Variants in GRIK2 observed in about 807,000 individuals in gnomAD.
GRIK2 encodes the protein glutamate receptor ionotropic, kainate 2.
In GRIK2, 32 loss-of-function variants were observed where a neutral mutation model predicts 100.3. The observed-to-expected ratio is 0.32, with a 90% confidence interval of 0.24 to 0.43. GRIK2 has a LOEUF of 0.43. Among genes scored for constraint, GRIK2 ranks in the 20% least tolerant of loss-of-function variants. The pLI is 1.00. For missense variants in GRIK2, 843 were observed against 1,114.9 expected (o/e 0.76, Z 3.47); for synonymous variants, 417 against 389.4 (o/e 1.07, Z -0.83).
intron 14 of GRIK2, among the ~76,000 whole-genome samples, chr6:102,012,455 A>G (rs1204301489): frequency 2.6e-5 from 4 of 152,178 alleles, no homozygotes; most frequent in African/African-American, 4.8e-5. Flanking sequence ...CACCTTCACA[A>G]TATTGAGTCT....
chr6:101,457,763 G>T (rs1296152515), intron 2 of GRIK2, among the ~76,000 whole-genome samples: 1 of 151,984 alleles, frequency 6.6e-6, no homozygotes, highest in South Asian at 2.1e-4. Flanking sequence ...TTCAAACAAG[G>T]TTGACCTGGA....
intron 2 of GRIK2, among the ~76,000 whole-genome samples, chr6:101,577,737 A>G (rs961939133): frequency 6.6e-6 from 1 of 152,194 alleles, no homozygotes; most frequent in African/African-American, 2.4e-5. Context: ...ACTTACTAAA[A>G]TATTACCCAG....
chr6:101,774,061 C>T (rs1343049437), intron 7 of GRIK2, among the ~76,000 whole-genome samples: 2 of 152,020 alleles, frequency 1.3e-5, no homozygotes, highest in African/African-American at 4.8e-5. Context: ...TTTTTCAAAT[C>T]ATGCTTACAG....
intron 14 of GRIK2, among the ~76,000 whole-genome samples, chr6:101,962,178 G>T (rs1792346533): frequency 6.6e-6 from 1 of 152,030 alleles, no homozygotes; most frequent in Non-Finnish European, 1.5e-5. Flanking sequence ...CCAGACTCTT[G>T]CTTCCTTCTT....
chr6:101,489,135 C>G (rs904669970), intron 2 of GRIK2, among the ~76,000 whole-genome samples: 5 of 146,182 alleles, frequency 3.4e-5, no homozygotes, highest in Admixed American at 1.4e-4. Context: ...TGCTGTTTTT[C>G]AAATGTCAAG....
chr6:101,990,950 T>A (rs1246168913), intron 14 of GRIK2, among the ~76,000 whole-genome samples: 2 of 151,888 alleles, frequency 1.3e-5, no homozygotes, highest in Admixed American at 1.3e-4. Context: ...TACAAGTAAA[T>A]AATAAATTAC....
intron 12 of GRIK2, among the ~76,000 whole-genome samples, chr6:101,912,043 AACGCAC>A (rs1418669718): frequency 7.4e-6 from 1 of 134,628 alleles, no homozygotes; most frequent in Non-Finnish European, 1.6e-5. Flanking sequence ...TACCAGGGGC[AACGCAC>A]ACACACACAC....
chr6:101,569,332 TTATAA>T (rs1387533599), intron 2 of GRIK2, among the ~76,000 whole-genome samples: 5 of 151,934 alleles, frequency 3.3e-5, no homozygotes, highest in Admixed American at 2.0e-4. Context: ...ATTTTTAAAA[TTATAA>T]TATTATAAAT....
intron 14 of GRIK2, among the ~76,000 whole-genome samples, chr6:102,012,422 T>C (rs2114321276): frequency 6.6e-6 from 1 of 152,270 alleles, no homozygotes; most frequent in Non-Finnish European, 1.5e-5. Flanking sequence ...GTTGACTTTA[T>C]AGATAAAGTT....
At chr6:101,630,227 A>G (rs2128319985) in intron 4 of GRIK2, among the ~76,000 whole-genome samples, 1 of 152,220 alleles carries the variant, frequency 6.6e-6, no homozygotes, top group Admixed American at 6.6e-5. Flanking sequence ...TTGTGTATAT[A>G]CCCAGTAATG....
intron 4 of GRIK2, among the ~76,000 whole-genome samples, chr6:101,650,382 A>G (rs1358514813): frequency 2.0e-5 from 3 of 152,144 alleles, no homozygotes; most frequent in Non-Finnish European, 2.9e-5. Flanking sequence ...GGAATCTTAG[A>G]GCAAAGATCA....
chr6:101,449,332 T>A (rs1001857370), intron 2 of GRIK2, among the ~76,000 whole-genome samples: 9 of 151,686 alleles, frequency 5.9e-5, no homozygotes, highest in Non-Finnish European at 1.5e-5. Flanking sequence ...ACAACTGCAT[T>A]ACTTTATAGC....
chr6:101,776,295 T>C (rs1443444853), intron 7 of GRIK2, among the ~76,000 whole-genome samples: 1 of 152,190 alleles, frequency 6.6e-6, no homozygotes, highest in African/African-American at 2.4e-5. Flanking sequence ...TGATTACCCT[T>C]ATTAATTTGT....
At chr6:101,533,658 T>C (rs1005530229) in intron 2 of GRIK2, among the ~76,000 whole-genome samples, 2 of 151,942 alleles carry the variant, frequency 1.3e-5, no homozygotes, top group African/African-American at 4.8e-5. Context: ...ACACCTTCCA[T>C]GCTGACAATG....
intron 12 of GRIK2, among the ~76,000 whole-genome samples, chr6:101,905,303 A>T (rs1053799209): frequency 1.3e-5 from 2 of 151,604 alleles, no homozygotes; most frequent in African/African-American, 4.8e-5. Context: ...CCTGCAAGGC[A>T]TTCACTCATT....
intron 2 of GRIK2, among the ~76,000 whole-genome samples, chr6:101,607,910 T>A (rs1236741133): frequency 6.6e-6 from 1 of 151,764 alleles, no homozygotes; most frequent in Non-Finnish European, 1.5e-5. Flanking sequence ...CTTTGCCCAT[T>A]CTTCTGATTC....
intron 9 of GRIK2, among the ~76,000 whole-genome samples, chr6:101,815,965 C>CA (rs1009668167): frequency 1.7e-4 from 26 of 151,740 alleles, no homozygotes; most frequent in African/African-American, 5.6e-4. Flanking sequence ...GTCAGAACTC[C>CA]AAAAAAACTA....
intron 14 of GRIK2, among the ~76,000 whole-genome samples, chr6:102,033,549 C>T (rs1022864014): frequency 1.3e-5 from 2 of 151,416 alleles, no homozygotes; most frequent in African/African-American, 2.4e-5. Context: ...TGAAAGGGAT[C>T]TAGAACTGAC....
At chr6:101,686,097 A>C (rs979016593) in intron 6 of GRIK2, 83 bp from the exon 7 acceptor site, 1 of 1,179,546 alleles carries the variant, frequency 8.5e-7, no homozygotes, top group Non-Finnish European at 1.2e-6. Flanking sequence ...CCTAAAAAAA[A>C]CAAAAAAAGT....
Sources: gnomAD v4.1 joint callset for allele counts (sites outside exome capture counted in the v4.1 genomes callset) on GRCh38, gnomAD v4.1.1 for gene constraint, MANE v1.5 for transcripts, NCBI Gene and HGNC (gene_info 2026-07-23, HGNC 2026-07-21) for gene names.